SIGLEC8: variants seen among roughly 807,000 people sequenced by gnomAD.
SIGLEC8 encodes the protein sialic acid-binding Ig-like lectin 8.
SIGLEC8 carries 32 observed loss-of-function variants against 42.1 expected under a neutral mutation model. The ratio of observed to expected loss-of-function variants is 0.76; its 90% CI spans 0.57 to 1.02. SIGLEC8 has a LOEUF of 1.02. Ranked by LOEUF, SIGLEC8 falls within the 50% of genes least tolerant of loss-of-function variation. The probability of loss-of-function intolerance (pLI) is 0.00; values close to 1 mark genes in which losing one functional copy is unlikely to be tolerated. For missense variants in SIGLEC8, 611 were observed against 610.2 expected, an observed-to-expected ratio of 1.00 and a Z score of -0.01; for synonymous variants, 262 against 260.3, an observed-to-expected ratio of 1.01 and a Z score of -0.06.
rs777725872 is a variant in SIGLEC8, at chr19:51,457,255, C to A, written c.734-24G>T. 5.0e-6 allele frequency: 8 copies of A among 1,609,022 alleles called. 1 individual carries two copies. Among genetic ancestry groups the A allele is most frequent in the South Asian group, 1.1e-5 (1 of 90,648 alleles). On this transcript the variant is annotated intron_variant, in intron 2 of 6. Coordinates refer to ENST00000321424, the MANE Select transcript of SIGLEC8 (RefSeq NM_014442.3). ...GTCTGGGACAGAAAGACATGAAGAC[C>A]CACATTACTATAAGGACTGGGGACA...
intron 3 of SIGLEC8, 39 bp from the exon 4 acceptor site, chr19:51,455,726 T>C: frequency 3.9e-6 from 6 of 1,547,612 alleles, no homozygotes; most frequent in Non-Finnish European, 5.3e-6. Flanking sequence ...CATTACTGGG[T>C]ATATACCCAA....
intron 6 of SIGLEC8, chr19:51,453,899 G>A: frequency 2.0e-6 from 2 of 985,324 alleles, no homozygotes; most frequent in Non-Finnish European, 2.4e-6. Flanking sequence ...AGAGGGGTCA[G>A]GATGGCTGGG....
Position 51,457,658 on chromosome 19 carries a change from C to T in SIGLEC8, c.536G>A (p.Trp179Ter), listed in dbSNP as rs1205224431. The change falls in exon 2 of 7, where the codon TGG becomes TAG. Residue 179 changes from tryptophan to a stop codon, truncating the protein, a stop_gained. Transcript: ENST00000321424. LOFTEE classifies it high-confidence loss of function. ...HSRNLTCSVP[W>*]ACKQGTPPMI... The stretch of plus-strand genomic sequence containing the variant: ...GGGGGGTGTCCCCTGCTTACAGGCC[C>T]AGGGCACAGAGCAGGTCAGGTTCCT... The T allele has an allele frequency of 6.2e-7, 1 of 1,611,100 alleles. No individual in the cohort carries two copies. Among genetic ancestry groups the T allele is most frequent in the Non-Finnish European group, 8.5e-7 (1 of 1,178,460 alleles).
rs974562768 is a variant in SIGLEC8 at position 51,452,582 on chromosome 19, G to C, written c.1297C>G (p.Pro433Ala). 1 of 1,577,130 alleles carries C rather than the reference G, an allele frequency of 6.3e-7. No individual in the cohort carries two copies. Among genetic ancestry groups the C allele is most frequent in the African/African-American group, 1.4e-5 (1 of 73,626 alleles). ...KDGNPLKKPP[P>A]AVAPSSGEEG... ...TCCCCTGACGAGGGGGCAACAGCTGGGGGAGGCTTCTTCAGGGGGTTGCCA... is the reference window on the plus strand; with the variant it reads ...TCCCCTGACGAGGGGGCAACAGCTGCGGGAGGCTTCTTCAGGGGGTTGCCA... Residue 433 changes from proline (P) to alanine (A), a missense_variant, in exon 7 of 7, where the codon CCA becomes GCA. Coordinates refer to ENST00000321424, the MANE Select transcript of SIGLEC8 (RefSeq NM_014442.3).
chr19:51,452,413 T>C lies in SIGLEC8; in HGVS notation c.1466A>G (p.Asn489Ser), dbSNP rs141313854. The C allele has an allele frequency of 1.4e-4, 233 of 1,608,648 alleles. No individual in the cohort carries two copies. In the African/African-American group the frequency reaches 2.6e-3, roughly 18 times the overall value. The change falls in exon 7 of 7, where the codon AAT (asparagine) becomes AGT (serine). Residue 489 changes from asparagine (N) to serine (S), a missense_variant. Physicochemically the swap from Asn to Ser is conservative, Grantham distance 46. Coordinates refer to ENST00000321424, the MANE Select transcript of SIGLEC8 (RefSeq NM_014442.3). ...ETAETQACLR[N>S]HNPSSKEVRG ...GACTTCTTTGCTGGAGGGGTTGTGA[T>C]TCCTCAAACAGGCCTGAGTCTCTGC...
intron 3 of SIGLEC8, among the ~76,000 whole-genome samples, chr19:51,456,136 G>T (rs36494): frequency 0.37 from 56,511 of 151,354 alleles, 12,362 homozygotes; most frequent in African/African-American, 0.6. Flanking sequence ...AGTTACTGGG[G>T]GCAGCACACC....
chr19:51,455,658 G>C lies in SIGLEC8; in HGVS notation c.811C>G (p.Leu271Val). 1 of 1,613,750 alleles carries C rather than the reference G, an allele frequency of 6.2e-7. No homozygotes were observed. The highest frequency in any genetic ancestry group is 8.5e-7 in the Non-Finnish European group (1 of 1,179,830). Reference sequence around the variant, plus strand: ...AGAGACTGGCCCTCAAGGACTGAAAGAGATGAGCCATTTCCCAGGGCTGTG... The same window carrying C: ...AGAGACTGGCCCTCAAGGACTGAAACAGATGAGCCATTTCCCAGGGCTGTG... Reference protein sequence around the residue: ...ASTALGNGSSLSVLEGQSLRL... With the variant: ...ASTALGNGSSVSVLEGQSLRL... Residue 271 changes from leucine (L) to valine (V), a missense_variant, in exon 4 of 7, where the codon CTT becomes GTT. Physicochemically the swap from Leu to Val is conservative, Grantham distance 32. Transcript: ENST00000321424.
Position 51,454,784 on chromosome 19 carries a change from C to A in SIGLEC8, c.1052-4G>T, listed in dbSNP as rs1211040144. 6.2e-7 allele frequency: 1 copy of A among 1,611,948 alleles called. No individual in the cohort carries two copies. The highest frequency in any genetic ancestry group is 8.5e-7 in the Non-Finnish European group (1 of 1,178,172). On this transcript the variant is annotated splice_region_variant and splice_polypyrimidine_tract_variant and intron_variant, in intron 4 of 6. Coordinates refer to ENST00000321424, the MANE Select transcript of SIGLEC8 (RefSeq NM_014442.3). The surrounding 1 kb of genome is among the most constrained non-coding windows in gnomAD (Gnocchi z 4.7). ...TGTGATACAGGTCTTGAGGTGCCTGCAGATGGATTGGAGTTGCTTTGGGGA... is the reference window on the plus strand; with the variant it reads ...TGTGATACAGGTCTTGAGGTGCCTGAAGATGGATTGGAGTTGCTTTGGGGA...
In SIGLEC8 at chr19:51,457,980, T is replaced by C. The variant is rs1377884544; in HGVS notation, c.408A>G (p.Lys136=). 1.2e-6 allele frequency: 2 copies of C among 1,614,144 alleles called. No individual in the cohort carries two copies. Among genetic ancestry groups the C allele is most frequent in the Non-Finnish European group, 8.5e-7 (1 of 1,180,022 alleles). Residue 136 remains lysine (K), a synonymous_variant, in exon 1 of 7, where the codon AAA becomes AAG. Coordinates refer to ENST00000321424, the MANE Select transcript of SIGLEC8 (RefSeq NM_014442.3). ...GCTTAGTTTTGTAATTCAACTGTGA[T>C]TTGTAACTCCATTTCATGCTTCCTC... ...LERGSMKWSY[K]SQLNYKTKQL... is the part of the protein sequence containing the mutation.
intron 3 of SIGLEC8, 134 bp downstream of exon 3, chr19:51,457,050 G>A (rs963538677): frequency 1.2e-6 from 1 of 824,122 alleles, no homozygotes; most frequent in Non-Finnish European, 2.1e-6. Flanking sequence ...CTGGAGATGT[G>A]GGCTCTTGTG....
chr19:51,454,740 G>T lies in SIGLEC8; in HGVS notation c.1092C>A (p.Val364=). Reference sequence around the variant, plus strand: ...CCAGGGCTGTGGCTCCAGCTCCCCCGACTGCTGCCAGTGTCACTTGTGATA... The same window carrying T: ...CCAGGGCTGTGGCTCCAGCTCCCCCTACTGCTGCCAGTGTCACTTGTGATA... The part of the protein sequence containing the change: ...RPVSQVTLAA[V]GGAGATALAF... Residue 364 remains valine (V), a synonymous_variant, in exon 5 of 7, where the codon GTC becomes GTA. Transcript: ENST00000321424. This position sits in a 1 kb window ranked among gnomAD's most constrained non-coding sequence, Gnocchi z 4.7. The T allele has an allele frequency of 6.2e-7, 1 of 1,613,768 alleles. No homozygotes were observed.
chr19:51,452,329 G>C lies in SIGLEC8; in HGVS notation c.*50C>G. The C allele has an allele frequency of 6.8e-7, 1 of 1,472,382 alleles. No individual in the cohort carries two copies. Among genetic ancestry groups the C allele is most frequent in the Non-Finnish European group, 9.2e-7 (1 of 1,089,924 alleles). The allele number at this position is 1,472,382 out of a possible 1,614,324, so 91.2% of individuals were successfully genotyped here. Reference sequence around the variant, plus strand: ...GGTTAGACAGGAGGAGGGAGCCCTGGTGACCTACTGCATAGCATGGGGCTC... The same window carrying C: ...GGTTAGACAGGAGGAGGGAGCCCTGCTGACCTACTGCATAGCATGGGGCTC... On this transcript the variant is annotated 3_prime_UTR_variant, in exon 7 of 7. Transcript: ENST00000321424.
rs1015722376 is a variant in SIGLEC8, at chr19:51,454,432, G to A, written c.1149-117C>T. ...TGAGGGGTGACCGAGGCGCAACGGC[G>A]GTGGTCCAGTTCCAGAGACCCCAAC... On this transcript the variant is annotated intron_variant, in intron 5 of 6. Transcript: ENST00000321424. The surrounding 1 kb of genome is among the most constrained non-coding windows in gnomAD (Gnocchi z 4.7). The A allele has an allele frequency of 5.2e-5, 81 of 1,569,462 alleles. No homozygotes were observed. The highest frequency in any genetic ancestry group is 6.3e-5 in the Non-Finnish European group (73 of 1,152,078).
Position 51,455,642 on chromosome 19 carries a change from C to T in SIGLEC8, c.827G>A (p.Gly276Asp), listed in dbSNP as rs764479457. The change falls in exon 4 of 7, where the codon GGC becomes GAC. Residue 276 changes from glycine to aspartate, a missense_variant. Coordinates refer to ENST00000321424, the MANE Select transcript of SIGLEC8 (RefSeq NM_014442.3). ...GNGSSLSVLEGQSLRLVCAVN... is the reference protein window; with the variant it reads ...GNGSSLSVLEDQSLRLVCAVN... ...AGCACAGACCAGGCGCAGAGACTGG[C>T]CCTCAAGGACTGAAAGAGATGAGCC... The T allele has an allele frequency of 2.5e-5, 40 of 1,613,700 alleles. No homozygotes were observed. The South Asian group carries it at 4.4e-4, about 18-fold the overall frequency.
chr19:51,453,620 G>C, intron 6 of SIGLEC8: 1 of 495,150 alleles, frequency 2.0e-6, no homozygotes, highest in Non-Finnish European at 2.6e-6. Context: ...GCTTGAACCT[G>C]GGAGGCAGAG....
At position 51,454,073 on chromosome 19, in the gene SIGLEC8, G is replaced by A; in HGVS notation, c.1245+146C>T. On this transcript the variant is annotated intron_variant, in intron 6 of 6. Coordinates refer to ENST00000321424, the MANE Select transcript of SIGLEC8 (RefSeq NM_014442.3). This position sits in a 1 kb window ranked among gnomAD's most constrained non-coding sequence, Gnocchi z 4.7. Reference sequence around the variant, plus strand: ...GGGACTGCCATGCTGTCAGCAAGATGGGGGAGTCCTGTAGAAGCCGGCCTG... The same window carrying A: ...GGGACTGCCATGCTGTCAGCAAGATAGGGGAGTCCTGTAGAAGCCGGCCTG... 2 of 1,457,074 alleles carry A rather than the reference G, an allele frequency of 1.4e-6. No individual in the cohort carries two copies. The highest frequency in any genetic ancestry group is 1.8e-6 in the Non-Finnish European group (2 of 1,106,784). 90.3% of individuals were successfully genotyped at this position (1,457,074 alleles called of 1,614,324 possible).
chr19:51,452,367 G>T lies in SIGLEC8; in HGVS notation c.*12C>A. 1 of 1,588,784 alleles carries T rather than the reference G, an allele frequency of 6.3e-7. No individual in the cohort carries two copies. Among genetic ancestry groups the T allele is most frequent in the Non-Finnish European group, 8.6e-7 (1 of 1,159,506 alleles). On this transcript the variant is annotated 3_prime_UTR_variant, in exon 7 of 7. Transcript: ENST00000321424. ...TAGCATGGGGCTCTAGAGGGTTCTTGTTCTATGAGAATCAGCCTCTGACTT... is the reference window on the plus strand; with the variant it reads ...TAGCATGGGGCTCTAGAGGGTTCTTTTTCTATGAGAATCAGCCTCTGACTT...
chr19:51,457,332 T>G, intron 2 of SIGLEC8, 101 bp from the exon 3 acceptor site: 1 of 1,491,260 alleles, frequency 6.7e-7, no homozygotes, highest in East Asian at 2.3e-5. Context: ...GAGTCGGCAT[T>G]CTCCTGACCC....
rs543440335 is a variant in SIGLEC8, at chr19:51,456,241, G to A, written c.782-554C>T. On this transcript the variant is annotated intron_variant, in intron 3 of 6. Coordinates refer to ENST00000321424, the MANE Select transcript of SIGLEC8 (RefSeq NM_014442.3). The stretch of plus-strand genomic sequence containing the variant: ...AATAATAATAATAATAATAAAAGGA[G>A]ACAGAGGGTCAGAGAGACAAATGGA... 2.6e-5 allele frequency among the ~76,000 whole-genome samples: 4 copies of A among 151,480 alleles called. No individual in the cohort carries two copies. The South Asian group carries it at 8.3e-4, about 31-fold the overall frequency.
Sources: gnomAD v4.1 joint callset for allele counts (sites outside exome capture counted in the v4.1 genomes callset) on GRCh38, gnomAD v4.1.1 for gene constraint, Gnocchi (gnomAD v3.1) non-coding constraint, MANE v1.5 for transcripts, NCBI Gene and HGNC (gene_info 2026-07-23, HGNC 2026-07-21) for gene names.